CEP295: variants seen among roughly 807,000 people sequenced by gnomAD.
CEP295 encodes centrosomal protein of 295 kDa.
Under a neutral mutation model 291.6 loss-of-function variants are expected in CEP295, and 190 were observed. The observed-to-expected ratio is 0.65, with a 90% confidence interval of 0.58 to 0.73. CEP295 has a LOEUF of 0.73. Ranked by LOEUF, CEP295 falls within the 30% of genes least tolerant of loss-of-function variation. CEP295 has a pLI of 0.00. For missense variants in CEP295, 2,863 were observed against 2,949.4 expected, an observed-to-expected ratio of 0.97 and a Z score of 0.68; for synonymous variants, 993 against 1,038.8, an observed-to-expected ratio of 0.96 and a Z score of 0.85.
At chr11:93,701,415 T>C (rs1379879767) in intron 15 of CEP295, among the ~76,000 whole-genome samples, 5 of 152,138 alleles carry the variant, frequency 3.3e-5, no homozygotes. Flanking sequence ...TTAGTCTAAA[T>C]AGAATTCTAC....
In CEP295 at chr11:93,702,812, C is replaced by G. The variant is rs1408982569; in HGVS notation, c.5489C>G (p.Ser1830Ter). ...GAGAAAGATCTGGGGAGAAGATCCTCAAAGCCACCTGTAGCAAAAGTCAAA... is the reference window on the plus strand; with the variant it reads ...GAGAAAGATCTGGGGAGAAGATCCTGAAAGCCACCTGTAGCAAAAGTCAAA... Reference protein sequence around the residue: ...HLEKDLGRRSSKPPVAKVKCG... With the variant: ...HLEKDLGRRS The change falls in exon 17 of 30, where the codon TCA becomes TGA. Residue 1830 changes from serine to a stop codon, truncating the protein, a stop_gained. Coordinates refer to ENST00000325212, the MANE Select transcript of CEP295 (RefSeq NM_033395.2). LOFTEE classifies it high-confidence loss of function. 6.4e-7 allele frequency: 1 copy of G among 1,551,810 alleles called. No homozygotes were observed. The highest frequency in any genetic ancestry group is 1.4e-5 in the African/African-American group (1 of 73,032).
At chr11:93,716,287 A>C (rs75129701) in intron 18 of CEP295, among the ~76,000 whole-genome samples, 11,062 of 152,156 alleles carry the variant, frequency 0.073, 447 homozygotes, top group Middle Eastern at 0.1. Context: ...AAAGTCCCAG[A>C]ATGGCTGAGC....
At position 93,723,127 on chromosome 11, in the gene CEP295, C is replaced by G. The variant is rs769683115; in HGVS notation, c.6034C>G (p.Pro2012Ala). Residue 2012 changes from proline (P) to alanine (A), a missense_variant, in exon 21 of 30, where the codon CCT (proline) becomes GCT (alanine). By Grantham distance (27) the Pro-to-Ala change is conservative. Transcript: ENST00000325212. ...EETNIISSIVPSTQDIYQRQN... is the reference protein window; with the variant it reads ...EETNIISSIVASTQDIYQRQN... ...AACAAATATTATAAGTTCCATAGTT[C>G]CTTCAACACAAGATATTTATCAGCG... is the stretch of plus-strand genomic sequence containing the variant. The G allele has an allele frequency of 7.7e-6, 12 of 1,551,738 alleles. No homozygotes were observed. Among genetic ancestry groups the G allele is most frequent in the Non-Finnish European group, 9.6e-6 (11 of 1,146,918 alleles).
intron 3 of CEP295, 52 bp from the exon 4 acceptor site, chr11:93,668,756 C>T (rs1950301102): frequency 1.6e-6 from 2 of 1,267,668 alleles, no homozygotes; most frequent in South Asian, 2.8e-5. Context: ...ATATGAGACA[C>T]ATTTCTATTA....
intron 7 of CEP295, among the ~76,000 whole-genome samples, chr11:93,682,374 C>G (rs1951017053): frequency 6.6e-6 from 1 of 152,156 alleles, no homozygotes; most frequent in African/African-American, 2.4e-5. Flanking sequence ...CAGGCGCATG[C>G]CGTCACGCCC....
chr11:93,723,497 T>G (rs954990813), intron 21 of CEP295: 1 of 416,320 alleles, frequency 2.4e-6, no homozygotes, highest in African/African-American at 2.0e-5. Flanking sequence ...TATAGGAGAT[T>G]AATTAGCAAA....
chr11:93,725,537 T>C (rs928847212), intron 22 of CEP295, 114 bp from the exon 23 acceptor site: 1 of 833,048 alleles, frequency 1.2e-6, no homozygotes, highest in Non-Finnish European at 1.8e-6. Flanking sequence ...AAATCATTGC[T>C]GTCATAGTGA....
chr11:93,726,421 A>C (rs1355344420), intron 23 of CEP295, among the ~76,000 whole-genome samples: 1 of 152,232 alleles, frequency 6.6e-6, no homozygotes. Context: ...GGTGTGAGCC[A>C]CCATGCCCAG....
chr11:93,669,654 G>A, intron 4 of CEP295, 23 bp from the exon 5 acceptor site: 1 of 1,436,058 alleles, frequency 7.0e-7, no homozygotes, highest in Non-Finnish European at 9.6e-7. Context: ...GAGATTAATT[G>A]ATGACATCTC....
chr11:93,692,123 C>A, intron 12 of CEP295, 93 bp downstream of exon 12: 1 of 681,598 alleles, frequency 1.5e-6, no homozygotes, highest in Admixed American at 3.0e-5. Flanking sequence ...TAATGTCTGG[C>A]TAATTTTGAT....
At chr11:93,703,970 C>T (rs1358846680) in intron 17 of CEP295, among the ~76,000 whole-genome samples, 1 of 151,810 alleles carries the variant, frequency 6.6e-6, no homozygotes, top group Non-Finnish European at 1.5e-5. Flanking sequence ...GGGATTTCAC[C>T]GTGTTTGCCA....
intron 18 of CEP295, among the ~76,000 whole-genome samples, chr11:93,709,084 A>G (rs1952713886): frequency 6.6e-6 from 1 of 152,136 alleles, no homozygotes; most frequent in Non-Finnish European, 1.5e-5. Flanking sequence ...ATTTTCTCCC[A>G]TCCTATTGGT....
chr11:93,729,634 C>A lies in CEP295; in HGVS notation c.7420C>A (p.Pro2474Thr), dbSNP rs1179635576. Reference sequence around the variant, plus strand: ...AGCAGAAACCCCTCGCAGGCTTACACCTGTACCAGGGAGCTTACAAGAAGC... The same window carrying A: ...AGCAGAAACCCCTCGCAGGCTTACAACTGTACCAGGGAGCTTACAAGAAGC... ...ASTETPRRLT[P>T]VPGSLQEAFI... The change falls in exon 27 of 30, where the codon CCT becomes ACT. Residue 2474 changes from proline (P) to threonine (T), a missense_variant. By Grantham distance (38) the Pro-to-Thr change is conservative (BLOSUM62 -1). Around this residue, in one of 3 missense-constraint regions of CEP295, gnomAD observed 2,295 missense variants for 2,335.7 expected, o/e 0.98. Transcript: ENST00000325212. 1.3e-6 allele frequency: 2 copies of A among 1,550,744 alleles called. No individual in the cohort carries two copies. The highest frequency in any genetic ancestry group is 2.7e-5 in the African/African-American group (2 of 72,884).
At chr11:93,690,809 C>A (rs1020215603) in intron 10 of CEP295, among the ~76,000 whole-genome samples, 1 of 151,550 alleles carries the variant, frequency 6.6e-6, no homozygotes, top group African/African-American at 2.4e-5. Context: ...TTATTCTCCC[C>A]CTTGCCTGAC....
At chr11:93,674,969 T>C (rs575286670) in intron 5 of CEP295, among the ~76,000 whole-genome samples, 22 of 152,274 alleles carry the variant, frequency 1.4e-4, no homozygotes, top group Non-Finnish European at 2.4e-4. Flanking sequence ...CATCAGTATG[T>C]GATAGGTTGT....
chr11:93,705,356 G>A (rs1952446549), intron 17 of CEP295, among the ~76,000 whole-genome samples: 1 of 152,124 alleles, frequency 6.6e-6, no homozygotes, highest in Non-Finnish European at 1.5e-5. Flanking sequence ...CGGGGGTAGA[G>A]GCAGTTTAAA....
chr11:93,687,526 G>T, intron 9 of CEP295, 118 bp from the exon 10 acceptor site: 1 of 593,300 alleles, frequency 1.7e-6, no homozygotes, highest in Non-Finnish European at 2.9e-6. Flanking sequence ...TAAATATGAG[G>T]AAAATAAAAC....
At chr11:93,668,567 G>A (rs1220879899) in intron 3 of CEP295, among the ~76,000 whole-genome samples, 2 of 152,054 alleles carry the variant, frequency 1.3e-5, no homozygotes, top group South Asian at 2.1e-4. Context: ...TAAGTAGTTC[G>A]ATATCCTATT....
At chr11:93,713,834 A>G (rs2135249404) in intron 18 of CEP295, among the ~76,000 whole-genome samples, 1 of 152,190 alleles carries the variant, frequency 6.6e-6, no homozygotes, top group East Asian at 1.9e-4. Context: ...TCTTGTAGGC[A>G]TGCTTCATTC....
Sources: gnomAD v4.1 joint callset for allele counts (sites outside exome capture counted in the v4.1 genomes callset) on GRCh38, gnomAD v4.1.1 for gene constraint, gnomAD v4.1.1 regional missense constraint, MANE v1.5 for transcripts, NCBI Gene and HGNC (gene_info 2026-07-23, HGNC 2026-07-21) for gene names.